The following CTNNA2 variants were observed in gnomAD, a reference collection of about 807,000 sequenced individuals.
CTNNA2 encodes catenin alpha 2.
Under a neutral mutation model 101.0 loss-of-function variants are expected in CTNNA2, and 42 were observed. That is an observed-to-expected ratio of 0.42 (90% CI 0.32 to 0.54). CTNNA2 has a LOEUF of 0.54. Ranked by LOEUF, CTNNA2 falls within the 20% of genes least tolerant of loss-of-function variation. CTNNA2 has a pLI of 0.14. For synonymous variants in CTNNA2, 450 were observed against 456.4 expected (o/e 0.99, Z 0.18); for missense variants, 871 against 1,223.1 (o/e 0.71, Z 4.29).
At chr2:79,808,132 T>C (rs539173785) in intron 3 of CTNNA2, among the ~76,000 whole-genome samples, 3 of 152,348 alleles carry the variant, frequency 2.0e-5, no homozygotes, top group South Asian at 2.1e-4. Context: ...GAACACTTTC[T>C]CTACAGATAA....
intron 7 of CTNNA2, among the ~76,000 whole-genome samples, chr2:79,986,121 A>G (rs1691742167): frequency 6.6e-6 from 1 of 152,140 alleles, no homozygotes; most frequent in Non-Finnish European, 1.5e-5. Context: ...ACTAACTTTA[A>G]TTTACCACGG....
At chr2:80,262,565 C>A (rs372913521) in intron 7 of CTNNA2, among the ~76,000 whole-genome samples, 1 of 152,150 alleles carries the variant, frequency 6.6e-6, no homozygotes, top group East Asian at 1.9e-4. Flanking sequence ...TGGCTGTGCC[C>A]TGCAGGGTTG....
intron 2 of CTNNA2, among the ~76,000 whole-genome samples, chr2:79,659,952 C>T (rs1201677219): frequency 2.0e-5 from 3 of 152,102 alleles, no homozygotes; most frequent in Non-Finnish European, 4.4e-5. Flanking sequence ...ATGATGGTGC[C>T]AGTGCACTCC....
chr2:79,390,635 A>C (rs959131744), intron 4 of CTNNA2, among the ~76,000 whole-genome samples: 2 of 152,164 alleles, frequency 1.3e-5, no homozygotes, highest in African/African-American at 4.8e-5. Flanking sequence ...GTTCCCATTC[A>C]AGCAAACCCA....
At chr2:80,558,147 A>G (rs894812864) in intron 12 of CTNNA2, among the ~76,000 whole-genome samples, 6 of 152,220 alleles carry the variant, frequency 3.9e-5, no homozygotes, top group Non-Finnish European at 7.3e-5. Context: ...TTGAAAATAT[A>G]GGAATAAGTG....
rs1033847603 is a variant in CTNNA2, at chr2:79,200,266, G to A, written c.-406+2190G>A. Among the ~76,000 whole-genome samples the A allele has an allele frequency of 5.3e-5, 8 of 151,908 alleles. No individual in the cohort carries two copies. The East Asian group carries it at 1.2e-3, about 22-fold the overall frequency. ...GGGCTTGGTGGCGGGCACCTGTAGC[G>A]TCAGCTACTCTGGAGGCTGAGGCAG... On this transcript the variant is annotated intron_variant, in intron 2 of 21. Transcript: ENST00000466387.
intron 7 of CTNNA2, among the ~76,000 whole-genome samples, chr2:80,282,977 A>G (rs1354482134): frequency 6.6e-6 from 1 of 152,154 alleles, no homozygotes; most frequent in African/African-American, 2.4e-5. Flanking sequence ...GTAATAAGCA[A>G]AGGAATGACA....
rs568444611 is a variant in CTNNA2, at chr2:79,601,468, G to T, written c.-5-50084G>T. 2.0e-5 allele frequency among the ~76,000 whole-genome samples: 3 copies of T among 152,324 alleles called. No individual in the cohort carries two copies. The East Asian group carries it at 5.8e-4, about 30-fold the overall frequency. On this transcript the variant is annotated intron_variant, in intron 1 of 18. Coordinates refer to ENST00000402739, the MANE Select transcript of CTNNA2 (RefSeq NM_001282597.3). ...CTCTGCAACTGGCATTGGTTAAGGA[G>T]TGAGGTCATGTGTGGGCTTGGAAGC...
intron 2 of CTNNA2, among the ~76,000 whole-genome samples, chr2:79,303,753 T>C (rs562661391): frequency 6.6e-6 from 1 of 151,944 alleles, no homozygotes; most frequent in African/African-American, 2.4e-5. Context: ...TTTTATTACT[T>C]ACAGATTCCA....
intron 2 of CTNNA2, among the ~76,000 whole-genome samples, chr2:79,308,470 G>A (rs947994719): frequency 1.3e-5 from 2 of 152,138 alleles, no homozygotes. Flanking sequence ...TCACTCTGTG[G>A]ATTGTTTCCT....
Position 79,744,405 on chromosome 2 carries a change from A to G in CTNNA2, c.121A>G (p.Thr41Ala). 1 of 1,612,742 alleles carries G rather than the reference A, an allele frequency of 6.2e-7. No homozygotes were observed. Among genetic ancestry groups the G allele is most frequent in the Non-Finnish European group, 8.5e-7 (1 of 1,179,614 alleles). Residue 41 changes from threonine to alanine, a missense_variant, in exon 3 of 19, where the codon ACA (threonine) becomes GCA (alanine). Around this residue, in one of 5 missense-constraint regions of CTNNA2, gnomAD observed 647 missense variants for 831.5 expected, o/e 0.78. Transcript: ENST00000402739. ...LVTQVTTLVNTSNKGPSGKKK... is the reference protein window; with the variant it reads ...LVTQVTTLVNASNKGPSGKKK... ...ATTTAAGGTGACTACACTTGTCAAC[A>G]CAAGCAACAAAGGCCCATCTGGTAA...
chr2:80,024,459 G>A (rs1694804530), intron 7 of CTNNA2, among the ~76,000 whole-genome samples: 1 of 152,222 alleles, frequency 6.6e-6, no homozygotes, highest in African/African-American at 2.4e-5. Flanking sequence ...GGCACAGCAT[G>A]AGCAAAGGCA....
At chr2:80,365,784 T>G (rs546305699) in intron 7 of CTNNA2, among the ~76,000 whole-genome samples, 29 of 152,294 alleles carry the variant, frequency 1.9e-4, no homozygotes, top group African/African-American at 7.0e-4. Flanking sequence ...GATAAAAAGA[T>G]TTTTGCAATC....
chr2:80,417,434 A>G (rs1025359505), intron 8 of CTNNA2, among the ~76,000 whole-genome samples: 1 of 151,704 alleles, frequency 6.6e-6, no homozygotes, highest in African/African-American at 2.4e-5. Context: ...GTAGCCCTGT[A>G]TTGACTTTTC....
intron 7 of CTNNA2, among the ~76,000 whole-genome samples, chr2:80,099,057 C>T (rs1700369387): frequency 6.6e-6 from 1 of 151,940 alleles, no homozygotes; most frequent in African/African-American, 2.4e-5. Context: ...AACCCGGTAC[C>T]TCAGTTGGAA....
chr2:79,223,101 A>G (rs13404338), intron 2 of CTNNA2, among the ~76,000 whole-genome samples: 61,412 of 152,056 alleles, frequency 0.4, 14,318 homozygotes, highest in Non-Finnish European at 0.52. Context: ...TTTAGGTTAC[A>G]GTGAGCTATG....
At chr2:80,513,420 A>G (rs1459047865) in intron 9 of CTNNA2, among the ~76,000 whole-genome samples, 1 of 152,204 alleles carries the variant, frequency 6.6e-6, no homozygotes, top group Non-Finnish European at 1.5e-5. Context: ...GTACCACCTC[A>G]GGTGTATACT....
At chr2:79,680,309 T>C (rs995536006) in intron 2 of CTNNA2, among the ~76,000 whole-genome samples, 3 of 152,120 alleles carry the variant, frequency 2.0e-5, no homozygotes, top group Admixed American at 2.0e-4. Context: ...ACTTGAATGT[T>C]ATTTTTAGTT....
At chr2:80,111,670 T>C (rs1196008960) in intron 7 of CTNNA2, among the ~76,000 whole-genome samples, 1 of 152,106 alleles carries the variant, frequency 6.6e-6, no homozygotes, top group African/African-American at 2.4e-5. Flanking sequence ...GCCTCCCAAG[T>C]AGCTGAAACC....
Sources: gnomAD v4.1 joint callset for allele counts (sites outside exome capture counted in the v4.1 genomes callset) on GRCh38, gnomAD v4.1.1 for gene constraint, gnomAD v4.1.1 regional missense constraint, MANE v1.5 for transcripts, NCBI Gene and HGNC (gene_info 2026-07-23, HGNC 2026-07-21) for gene names.